The following ST18 variants were observed in gnomAD, a reference collection of about 807,000 sequenced individuals.
ST18 encodes the protein suppression of tumorigenicity 18 protein.
In ST18, 50 loss-of-function variants were observed where a neutral mutation model predicts 110.0. The ratio of observed to expected loss-of-function variants is 0.45; its 90% CI spans 0.36 to 0.58. The LOEUF (loss-of-function observed/expected upper bound fraction) is 0.58, where lower values mean the gene tolerates loss of function less well. Ranked by LOEUF, ST18 falls within the 20% of genes least tolerant of loss-of-function variation. The pLI, the probability that ST18 is intolerant of heterozygous loss-of-function variation, is 0.00. For missense variants in ST18, 1,306 were observed against 1,280.1 expected (o/e 1.02, Z -0.31); for synonymous variants, 461 against 452.4 (o/e 1.02, Z -0.24).
chr8:52,263,814 T>C, intron 2 of ST18, among the ~76,000 whole-genome samples: 1 of 147,244 alleles, frequency 6.8e-6, no homozygotes, highest in East Asian at 2.0e-4. Flanking sequence ...TGGCACGATC[T>C]TCACTCACTG....
At chr8:52,291,370 C>T (rs2095553528) in intron 2 of ST18, among the ~76,000 whole-genome samples, 1 of 152,200 alleles carries the variant, frequency 6.6e-6, no homozygotes. Flanking sequence ...ATGCTGACTG[C>T]TTGTTAAGGG....
chr8:52,398,192 G>C (rs920757237), intron 2 of ST18, among the ~76,000 whole-genome samples: 1 of 151,992 alleles, frequency 6.6e-6, no homozygotes, highest in Admixed American at 6.6e-5. Context: ...CAATTGAAAT[G>C]GGATCATTTT....
At position 52,172,528 on chromosome 8, in the gene ST18, G is replaced by A. The variant is rs141678930; in HGVS notation, c.333C>T (p.Asn111=). The change falls in exon 10 of 26, where the codon AAC becomes AAT. Residue 111 remains asparagine, a synonymous_variant. Coordinates refer to ENST00000689386, the MANE Select transcript of ST18 (RefSeq NM_001352837.2). ...AGTATCTGTCTTCCTTCCTACTGGA[G>A]TTTTCTTGTGCAGTTGAAAGAAGAC... ...DESLLSTAQE[N]SSRKEDRYSC... is the part of the protein sequence containing the mutation. 5,230 of 1,610,698 alleles carry A rather than the reference G, an allele frequency of 3.2e-3. 9 individuals are homozygous for A. Among genetic ancestry groups the A allele is most frequent in the Non-Finnish European group, 4.0e-3 (4,765 of 1,179,182 alleles).
intron 2 of ST18, among the ~76,000 whole-genome samples, chr8:52,338,050 A>G (rs1812958869): frequency 6.6e-6 from 1 of 152,076 alleles, no homozygotes; most frequent in East Asian, 1.9e-4. Flanking sequence ...TTTAAATTTT[A>G]TTCATTTATT....
rs1204260422 is a variant in ST18 at position 52,188,255 on chromosome 8, A to T, written c.87-7943T>A. Among the ~76,000 whole-genome samples the T allele has an allele frequency of 6.8e-4, 104 of 152,220 alleles. 2 individuals carry two copies. Among genetic ancestry groups the T allele is most frequent in the Non-Finnish European group, 2.2e-4 (15 of 68,036 alleles). On this transcript the variant is annotated intron_variant, in intron 8 of 25. Transcript: ENST00000689386. ...AACAGGAAATATATGCTAGCAAAGG[A>T]TCAGAGTTTGAGATCATGTGGTCAG...
At chr8:52,389,225 A>G (rs1473653940) in intron 2 of ST18, among the ~76,000 whole-genome samples, 2 of 152,124 alleles carry the variant, frequency 1.3e-5, no homozygotes, top group Non-Finnish European at 2.9e-5. Context: ...AGGGAGCAGC[A>G]CCATCAGACT....
chr8:52,318,838 G>A (rs7004781), intron 2 of ST18, among the ~76,000 whole-genome samples: 28,621 of 150,814 alleles, frequency 0.19, 3,600 homozygotes, highest in African/African-American at 0.36. Context: ...CAAATACTGC[G>A]TATTCTCACT....
At chr8:52,319,273 A>G (rs889835012) in intron 2 of ST18, among the ~76,000 whole-genome samples, 1 of 152,198 alleles carries the variant, frequency 6.6e-6, no homozygotes, top group Non-Finnish European at 1.5e-5. Flanking sequence ...CTCAATACAA[A>G]GCATTTCTCT....
rs1391010054 is a variant in ST18, at chr8:52,133,152, C to T, written c.2364-15G>A. On this transcript the variant is annotated splice_polypyrimidine_tract_variant and intron_variant, in intron 20 of 25. Coordinates refer to ENST00000689386, the MANE Select transcript of ST18 (RefSeq NM_001352837.2). ...ATCCGGACAAGCTGAAATAGGGACC[C>T]GACAAAGAACAAAGCAAAATTATGT... 3.7e-6 allele frequency: 6 copies of T among 1,613,976 alleles called. No homozygotes were observed. Among genetic ancestry groups the T allele is most frequent in the Admixed American group, 3.3e-5 (2 of 59,986 alleles).
intron 10 of ST18, chr8:52,171,549 G>A (rs2133788621): frequency 1.7e-6 from 1 of 601,004 alleles, no homozygotes; most frequent in Admixed American, 2.2e-5. Flanking sequence ...GTTAAATTAA[G>A]AGAAATAGAT....
At position 52,367,797 on chromosome 8, in the gene ST18, A is replaced by C. The variant is rs568915389; in HGVS notation, c.-465+41531T>G. Reference sequence around the variant, plus strand: ...ATGAAAATATGGTGCTTGAGCCTGTAGCCCCTGATCACCTTCCATTCCTCA... The same window carrying C: ...ATGAAAATATGGTGCTTGAGCCTGTCGCCCCTGATCACCTTCCATTCCTCA... On this transcript the variant is annotated intron_variant, in intron 2 of 25. Transcript: ENST00000689386. Among the ~76,000 whole-genome samples, 95 of 152,338 alleles carry C rather than the reference A, an allele frequency of 6.2e-4. No individual in the cohort carries two copies. The Middle Eastern group carries it at 0.017, about 27-fold the overall frequency.
intron 2 of ST18, among the ~76,000 whole-genome samples, chr8:52,265,401 A>G (rs575478264): frequency 9.8e-5 from 15 of 152,370 alleles, no homozygotes; most frequent in Admixed American, 9.1e-4. Flanking sequence ...GAGGATAAAC[A>G]CAATCTGACT....
chr8:52,163,974 A>G lies in ST18; in HGVS notation c.1400+12T>C. 1.2e-6 allele frequency: 2 copies of G among 1,602,854 alleles called. No homozygotes were observed. Among genetic ancestry groups the G allele is most frequent in the Non-Finnish European group, 1.7e-6 (2 of 1,170,024 alleles). ...TGAAGAGAGCACTGAGAACATCGTT[A>G]GGGGTTCATACCTGTGGGCCTGGTC... On this transcript the variant is annotated intron_variant, in intron 13 of 25. Coordinates refer to ENST00000689386, the MANE Select transcript of ST18 (RefSeq NM_001352837.2).
chr8:52,233,261 G>A (rs1478188837), intron 2 of ST18, among the ~76,000 whole-genome samples: 1 of 151,992 alleles, frequency 6.6e-6, no homozygotes. Flanking sequence ...AGTGGAGAGG[G>A]GTGTATGGTG....
chr8:52,341,637 T>G (rs1441296713), intron 2 of ST18, among the ~76,000 whole-genome samples: 1 of 152,234 alleles, frequency 6.6e-6, no homozygotes, highest in East Asian at 1.9e-4. Flanking sequence ...ATGTCCAGAT[T>G]TTTAAATTAT....
At chr8:52,269,394 A>G (rs538647846) in intron 2 of ST18, among the ~76,000 whole-genome samples, 21 of 152,322 alleles carry the variant, frequency 1.4e-4, no homozygotes, top group Non-Finnish European at 2.2e-4. Context: ...CAGGCTTCAG[A>G]AAGATCTGCA....
At chr8:52,368,378 C>T (rs1244343158) in intron 2 of ST18, among the ~76,000 whole-genome samples, 1 of 152,038 alleles carries the variant, frequency 6.6e-6, no homozygotes, top group African/African-American at 2.4e-5. Flanking sequence ...TGTTACAACC[C>T]AAAAATGTTC....
intron 2 of ST18, among the ~76,000 whole-genome samples, chr8:52,245,737 G>T (rs933800175): frequency 6.6e-6 from 1 of 152,012 alleles, no homozygotes; most frequent in African/African-American, 2.4e-5. Context: ...CCTATATTTA[G>T]TGCAGATATC....
At chr8:52,320,465 A>G (rs527821049) in intron 2 of ST18, among the ~76,000 whole-genome samples, 4 of 152,230 alleles carry the variant, frequency 2.6e-5, no homozygotes, top group Non-Finnish European at 4.4e-5. Flanking sequence ...AAAACATGTA[A>G]TTCACAAGGA....
Sources: allele counts gnomAD v4.1 joint callset (sites outside exome capture counted in the v4.1 genomes callset), GRCh38; gene constraint gnomAD v4.1.1; transcripts MANE v1.5; gene names NCBI Gene and HGNC (gene_info 2026-07-23, HGNC 2026-07-21).